Variants in LIMD1 observed in about 807,000 individuals in gnomAD.
The protein encoded by LIMD1 is LIM domain-containing protein 1.
LIMD1 carries 23 observed loss-of-function variants against 58.4 expected under a neutral mutation model. The observed-to-expected ratio is 0.39, with a 90% CI of 0.28 to 0.56. LIMD1 has a LOEUF of 0.56. LIMD1 is among the 20% of genes least tolerant of loss of function. The pLI, the probability that LIMD1 is intolerant of heterozygous loss-of-function variation, is 0.57. For synonymous variants in LIMD1, 334 were observed against 345.5 expected, an observed-to-expected ratio of 0.97 and a Z score of 0.37; for missense variants, 838 against 855.5, an observed-to-expected ratio of 0.98 and a Z score of 0.25.
intron 1 of LIMD1, among the ~76,000 whole-genome samples, chr3:45,596,930 C>T (rs1168492642): frequency 1.3e-5 from 2 of 149,114 alleles, no homozygotes; most frequent in African/African-American, 5.0e-5. Flanking sequence ...GGCACAATCT[C>T]GGCTCACTGC....
intron 4 of LIMD1, among the ~76,000 whole-genome samples, chr3:45,669,357 C>T (rs1334208039): frequency 6.6e-6 from 1 of 152,206 alleles, no homozygotes; most frequent in Admixed American, 6.5e-5. Context: ...AAGTCCCTCT[C>T]TAAGCTGACT....
chr3:45,625,859 G>C (rs575283801), intron 1 of LIMD1, among the ~76,000 whole-genome samples: 3 of 152,154 alleles, frequency 2.0e-5, no homozygotes, highest in Non-Finnish European at 4.4e-5. Context: ...ACTCAGTCTC[G>C]GGTATTCCAT....
At chr3:45,602,139 G>A (rs1378145664) in intron 1 of LIMD1, among the ~76,000 whole-genome samples, 1 of 152,038 alleles carries the variant, frequency 6.6e-6, no homozygotes, top group East Asian at 1.9e-4. Flanking sequence ...TAGTAGAGAT[G>A]GGGTTTCACT....
At chr3:45,598,465 C>T (rs942313632) in intron 1 of LIMD1, among the ~76,000 whole-genome samples, 13 of 152,186 alleles carry the variant, frequency 8.5e-5, no homozygotes, top group East Asian at 5.8e-4. Context: ...ATCAGAGCAA[C>T]GGTATTAGCT....
chr3:45,602,457 A>G (rs989278156), intron 1 of LIMD1, among the ~76,000 whole-genome samples: 5 of 152,236 alleles, frequency 3.3e-5, no homozygotes, highest in Admixed American at 3.3e-4. Flanking sequence ...CCTGCTCCTC[A>G]CCAGCATGGA....
At position 45,632,463 on chromosome 3, in the gene LIMD1, G is replaced by A. The variant is rs181427041; in HGVS notation, c.1409-3687G>A. 1,098 of 962,324 alleles carry A rather than the reference G, an allele frequency of 1.1e-3. 2 individuals are homozygous for A. Among genetic ancestry groups the A allele is most frequent in the Non-Finnish European group, 1.2e-3 (956 of 808,978 alleles). 59.6% of individuals were successfully genotyped at this position (962,324 alleles called of 1,614,324 possible). A position where few individuals can be genotyped will look rare whatever the true frequency, so the allele number is the denominator to read the frequency against. On this transcript the variant is annotated intron_variant, in intron 1 of 7. Transcript: ENST00000273317. ...TAAGTGCACTCTGTCTGTGGCTGGG[G>A]GTGTTCAGAGATGAATAAGACCCTG...
At chr3:45,652,501 C>G (rs1701984798) in intron 2 of LIMD1, among the ~76,000 whole-genome samples, 1 of 152,158 alleles carries the variant, frequency 6.6e-6, no homozygotes, top group Admixed American at 6.5e-5. Context: ...TAAACTTTAC[C>G]TTTTTGAGTC....
At chr3:45,612,040 G>A (rs1057081540) in intron 1 of LIMD1, among the ~76,000 whole-genome samples, 1 of 151,134 alleles carries the variant, frequency 6.6e-6, no homozygotes, top group African/African-American at 2.4e-5. Context: ...CATGGCTTCT[G>A]CCCAGCTCTG....
intron 4 of LIMD1, among the ~76,000 whole-genome samples, chr3:45,671,751 A>C (rs1156533990): frequency 6.6e-6 from 1 of 152,186 alleles, no homozygotes; most frequent in Non-Finnish European, 1.5e-5. Context: ...AAGAATGTGC[A>C]TTATTAACAA....
chr3:45,622,332 C>T (rs1701635485), intron 1 of LIMD1, among the ~76,000 whole-genome samples: 2 of 152,122 alleles, frequency 1.3e-5, no homozygotes, highest in Admixed American at 1.3e-4. Context: ...TGCCCTCATG[C>T]GTGAGGGATA....
chr3:45,658,095 C>T (rs1459165356), intron 2 of LIMD1, among the ~76,000 whole-genome samples: 4 of 152,232 alleles, frequency 2.6e-5, no homozygotes, highest in Non-Finnish European at 5.9e-5. Flanking sequence ...AAGCCCTAAA[C>T]ATAGTACTTA....
intron 2 of LIMD1, among the ~76,000 whole-genome samples, chr3:45,645,713 T>C (rs1205452023): frequency 1.3e-5 from 2 of 152,206 alleles, no homozygotes; most frequent in East Asian, 3.8e-4. Flanking sequence ...TCTGGCATTG[T>C]AGGCACTCCT....
Position 45,595,704 on chromosome 3 carries a change from G to T in LIMD1, c.825G>T (p.Leu275=). Reference sequence around the variant, plus strand: ...CCTCCCAGCGGGTGAGCCCTGGCCTGCCTTCCCCAAACTTGGAGAACGGAG... The same window carrying T: ...CCTCCCAGCGGGTGAGCCCTGGCCTTCCTTCCCCAAACTTGGAGAACGGAG... ...TASSQRVSPG[L]PSPNLENGAP... is the part of the protein sequence containing the mutation. The change falls in exon 1 of 8, where the codon CTG becomes CTT. Residue 275 remains leucine, a synonymous_variant. Transcript: ENST00000273317. The T allele has an allele frequency of 1.2e-6, 2 of 1,614,156 alleles. No individual in the cohort carries two copies. The highest frequency in any genetic ancestry group is 1.7e-6 in the Non-Finnish European group (2 of 1,180,044).
At chr3:45,666,035 C>T (rs1225300883) in intron 3 of LIMD1, among the ~76,000 whole-genome samples, 2 of 152,320 alleles carry the variant, frequency 1.3e-5, no homozygotes, top group South Asian at 4.1e-4. Context: ...ATCCCACTCT[C>T]TCTGGGGATC....
chr3:45,649,666 GTGAGACT>G (rs1701943775), intron 2 of LIMD1, among the ~76,000 whole-genome samples: 1 of 142,628 alleles, frequency 7.0e-6, no homozygotes, highest in African/African-American at 2.6e-5. Context: ...GGGCAACAGA[GTGAGACT>G]CTGTCTCAAA....
intron 1 of LIMD1, among the ~76,000 whole-genome samples, chr3:45,613,487 T>C (rs571864920): frequency 6.6e-6 from 1 of 152,372 alleles, no homozygotes; most frequent in African/African-American, 2.4e-5. Flanking sequence ...AACTGGGCTT[T>C]TTGCATTATC....
At chr3:45,611,352 G>A (rs959881321) in intron 1 of LIMD1, among the ~76,000 whole-genome samples, 6 of 152,212 alleles carry the variant, frequency 3.9e-5, no homozygotes, top group African/African-American at 1.4e-4. Context: ...GAAGCAGGGG[G>A]GCTCTGGGGT....
At chr3:45,625,886 G>A (rs1701664925) in intron 1 of LIMD1, among the ~76,000 whole-genome samples, 1 of 152,184 alleles carries the variant, frequency 6.6e-6, no homozygotes, top group Admixed American at 6.5e-5. Context: ...AGCACAAAAT[G>A]GATTAAGATA....
chr3:45,640,521 G>T (rs920197007), intron 2 of LIMD1, among the ~76,000 whole-genome samples: 1 of 151,950 alleles, frequency 6.6e-6, no homozygotes, highest in Admixed American at 6.6e-5. Flanking sequence ...TCTGCCTCCC[G>T]GGTTCAAGCG....
Sources: allele counts gnomAD v4.1 joint callset (sites outside exome capture counted in the v4.1 genomes callset), GRCh38; gene constraint gnomAD v4.1.1; transcripts MANE v1.5; gene names NCBI Gene and HGNC (gene_info 2026-07-23, HGNC 2026-07-21).